Variants in NCKAP5 observed in about 807,000 individuals in gnomAD.
The protein encoded by NCKAP5 is nck-associated protein 5.
NCKAP5 carries 92 observed loss-of-function variants against 167.0 expected under a neutral mutation model. The ratio of observed to expected loss-of-function variants is 0.55; its 90% CI spans 0.47 to 0.66. The LOEUF (loss-of-function observed/expected upper bound fraction) is 0.66. Ranked by LOEUF, NCKAP5 falls within the 30% of genes least tolerant of loss-of-function variation. The pLI is 0.00. For missense variants in NCKAP5, 2,378 were observed against 2,315.0 expected (o/e 1.03, Z -0.56); for synonymous variants, 891 against 877.4 (o/e 1.02, Z -0.27).
intron 5 of NCKAP5, among the ~76,000 whole-genome samples, chr2:133,165,265 A>G (rs1016092201): frequency 6.6e-6 from 1 of 152,216 alleles, no homozygotes; most frequent in African/African-American, 2.4e-5. Flanking sequence ...GGGACTGCAC[A>G]CTGTACAATC....
chr2:132,997,804 GA>G (rs200708394), intron 6 of NCKAP5, among the ~76,000 whole-genome samples: 121 of 148,370 alleles, frequency 8.2e-4, no homozygotes, highest in Middle Eastern at 3.5e-3. Context: ...AAGCTTATGT[GA>G]AAAAAAAAAA....
chr2:133,040,942 C>T (rs972561725), intron 6 of NCKAP5, among the ~76,000 whole-genome samples: 1 of 152,098 alleles, frequency 6.6e-6, no homozygotes, highest in Non-Finnish European at 1.5e-5. Context: ...TGAATTTTCT[C>T]CTGGATAATT....
intron 2 of NCKAP5, among the ~76,000 whole-genome samples, chr2:133,522,144 C>G (rs910694227): frequency 1.3e-5 from 2 of 152,148 alleles, no homozygotes; most frequent in African/African-American, 2.4e-5. Flanking sequence ...AAAGAAGAAG[C>G]CATTCTGCTT....
intron 16 of NCKAP5, among the ~76,000 whole-genome samples, chr2:132,742,505 TCTAA>T (rs977286973): frequency 2.7e-4 from 41 of 151,968 alleles, no homozygotes; most frequent in African/African-American, 8.7e-4. Context: ...TCATTATTGC[TCTAA>T]CTTTTTTAAA....
chr2:132,863,184 C>A (rs1690069782), intron 10 of NCKAP5, among the ~76,000 whole-genome samples: 1 of 152,128 alleles, frequency 6.6e-6, no homozygotes, highest in Non-Finnish European at 1.5e-5. Context: ...TTGTTCTTAG[C>A]ATGTATATAA....
intron 6 of NCKAP5, among the ~76,000 whole-genome samples, chr2:133,013,635 G>A (rs775132263): frequency 1.7e-4 from 26 of 152,222 alleles, no homozygotes; most frequent in African/African-American, 2.4e-4. Context: ...GTTACAATTC[G>A]AGATGAGATT....
intron 5 of NCKAP5, among the ~76,000 whole-genome samples, chr2:133,155,957 T>C (rs1172444298): frequency 6.6e-6 from 1 of 152,216 alleles, no homozygotes; most frequent in African/African-American, 2.4e-5. Context: ...CTCTGACTAA[T>C]ATAAAGAATT....
Position 133,212,582 on chromosome 2 carries a change from G to A in NCKAP5, c.207+1134C>T, listed in dbSNP as rs370081563. Among the ~76,000 whole-genome samples, 138 of 152,216 alleles carry A rather than the reference G, an allele frequency of 9.1e-4. 4 individuals carry two copies. In the Middle Eastern group the frequency reaches 0.044, roughly 49 times the overall value. On this transcript the variant is annotated intron_variant, in intron 5 of 19. Coordinates refer to ENST00000409261, the MANE Select transcript of NCKAP5 (RefSeq NM_207363.3). ...AGGGTATCACCATGTTGGCCACGCT[G>A]GTCTCCAGCTCCTGACCTCAGGTGA...
the NCKAP5 span, among the ~76,000 whole-genome samples, chr2:133,598,091 G>T: frequency 0.021 from 3,162 of 152,274 alleles, 72 homozygotes; most frequent in Non-Finnish European, 0.026. Context: ...TTACATGCTG[G>T]TTATCCTCAA....
chr2:133,106,142 A>AT (rs34157804), intron 6 of NCKAP5, among the ~76,000 whole-genome samples: 21,187 of 142,578 alleles, frequency 0.15, 2,106 homozygotes, highest in East Asian at 0.47. Flanking sequence ...AAATACAAAA[A>AT]ATTAGCCAGG....
intron 5 of NCKAP5, among the ~76,000 whole-genome samples, chr2:133,198,842 G>A (rs1275279202): frequency 2.0e-5 from 3 of 151,974 alleles, no homozygotes; most frequent in Admixed American, 6.6e-5. Flanking sequence ...TCTTGGAAAC[G>A]AACAAAGTTC....
chr2:133,153,228 T>C (rs1007668812), intron 5 of NCKAP5, among the ~76,000 whole-genome samples: 6 of 152,166 alleles, frequency 3.9e-5, no homozygotes, highest in African/African-American at 1.4e-4. Flanking sequence ...TATACATTTG[T>C]CAAAACCCAG....
In NCKAP5 at chr2:133,037,724, T is replaced by G. The variant is rs1342183033; in HGVS notation, c.342-43485A>C. On this transcript the variant is annotated intron_variant, in intron 6 of 19. Transcript: ENST00000409261. ...AATATTGGGGAAAATCTCCAGGACA[T>G]TGTTCTGGTCAAACAATTCTTGAGC... 2.0e-5 allele frequency among the ~76,000 whole-genome samples: 3 copies of G among 152,118 alleles called. No individual in the cohort carries two copies. In the East Asian group the frequency reaches 5.8e-4, roughly 29 times the overall value.
chr2:132,794,261 TATAGAGAGAGAGAG>T (rs1208753789), intron 12 of NCKAP5, among the ~76,000 whole-genome samples: 36 of 23,496 alleles, frequency 1.5e-3, no homozygotes, highest in East Asian at 2.8e-3. Context: ...TATATATATA[TATAGAGAGAGAGAG>T]AGAGAGAGAG....
At chr2:133,627,701 A>G in the NCKAP5 span, among the ~76,000 whole-genome samples, 1 of 152,210 alleles carries the variant, frequency 6.6e-6, no homozygotes, top group Admixed American at 6.5e-5. Flanking sequence ...AAAAGAAAAA[A>G]GAAAGAAAGA....
At chr2:133,182,829 C>G (rs543560079) in intron 5 of NCKAP5, among the ~76,000 whole-genome samples, 11 of 152,156 alleles carry the variant, frequency 7.2e-5, no homozygotes, top group African/African-American at 2.4e-4. Context: ...AGAGCAGATT[C>G]TTGAAAAGTT....
At chr2:133,611,606 C>A in the NCKAP5 span, among the ~76,000 whole-genome samples, 448 of 152,180 alleles carry the variant, frequency 2.9e-3, 1 homozygote, top group African/African-American at 0.01. Flanking sequence ...GGCTTCTTAG[C>A]CCTCATGAAA....
chr2:132,738,936 C>T (rs1691775089), intron 16 of NCKAP5, among the ~76,000 whole-genome samples: 1 of 152,182 alleles, frequency 6.6e-6, no homozygotes, highest in Admixed American at 6.5e-5. Context: ...ACACCCCCAC[C>T]AGGTCCCACT....
At chr2:132,900,362 T>C (rs1484244423) in intron 8 of NCKAP5, among the ~76,000 whole-genome samples, 3 of 152,100 alleles carry the variant, frequency 2.0e-5, no homozygotes, top group Non-Finnish European at 4.4e-5. Flanking sequence ...TAAAATGAGG[T>C]TATGCCTGTA....
Sources: allele counts gnomAD v4.1 joint callset (sites outside exome capture counted in the v4.1 genomes callset), GRCh38; gene constraint gnomAD v4.1.1; transcripts MANE v1.5; gene names NCBI Gene and HGNC (gene_info 2026-07-23, HGNC 2026-07-21).